The following GABRA2 variants were observed in gnomAD, a reference collection of about 807,000 sequenced individuals.
GABRA2 encodes the protein gamma-aminobutyric acid type A receptor subunit alpha2, also known as gamma-aminobutyric acid receptor subunit alpha-2.
A neutral mutation model predicts 48.7 loss-of-function variants in GABRA2; 16 were observed. That is an observed-to-expected ratio of 0.33 (90% CI 0.22 to 0.50). The LOEUF is 0.50. Ranked by LOEUF, GABRA2 falls within the 20% of genes least tolerant of loss-of-function variation. The pLI is 0.98. For missense variants in GABRA2, 275 were observed against 535.6 expected, an observed-to-expected ratio of 0.51 and a Z score of 4.80; for synonymous variants, 185 against 184.5, an observed-to-expected ratio of 1.00 and a Z score of -0.02.
At chr4:46,293,064 A>C (rs1418732472) in intron 8 of GABRA2, among the ~76,000 whole-genome samples, 3 of 152,172 alleles carry the variant, frequency 2.0e-5, no homozygotes, top group Non-Finnish European at 4.4e-5. Flanking sequence ...CTATCAGAAT[A>C]ATCTGAATCG....
At chr4:46,343,059 G>A (rs1733561106) in intron 3 of GABRA2, among the ~76,000 whole-genome samples, 1 of 151,856 alleles carries the variant, frequency 6.6e-6, no homozygotes, top group Non-Finnish European at 1.5e-5. Context: ...AGACTTTGTT[G>A]AAAGATCACT....
intron 8 of GABRA2, among the ~76,000 whole-genome samples, chr4:46,273,649 T>A (rs1719930866): frequency 1.3e-5 from 2 of 151,602 alleles, no homozygotes; most frequent in South Asian, 4.2e-4. Flanking sequence ...ACAAACAAGA[T>A]AAGATGGAAA....
chr4:46,351,921 A>C (rs148719994), intron 3 of GABRA2, among the ~76,000 whole-genome samples: 1 of 151,448 alleles, frequency 6.6e-6, no homozygotes, highest in Non-Finnish European at 1.5e-5. Context: ...TTATAAAAGT[A>C]TTCGTTATAT....
At position 46,296,667 on chromosome 4, in the gene GABRA2, AG is replaced by A. The variant is rs748818950; in HGVS notation, c.856+6792del. On this transcript the variant is annotated intron_variant, in intron 8 of 9. Coordinates refer to ENST00000381620, the MANE Select transcript of GABRA2 (RefSeq NM_000807.4). ...TACTCTATCAGGGGGAAAAAAAAAA[AG>A]AAAAAAAAAAACCTGCTGAGGTGCT... Among the ~76,000 whole-genome samples the A allele has an allele frequency of 9.2e-3, 1,380 of 150,206 alleles. 37 individuals carry two copies. The highest frequency in any genetic ancestry group is 0.033 in the African/African-American group (1,322 of 40,130).
chr4:46,281,367 T>C (rs1721498976), intron 8 of GABRA2, among the ~76,000 whole-genome samples: 1 of 151,932 alleles, frequency 6.6e-6, no homozygotes, highest in Non-Finnish European at 1.5e-5. Context: ...AGAGTATAGA[T>C]AGAAAAAATA....
chr4:46,289,879 T>TTTTTTTTATTTATTTA lies in GABRA2; in HGVS notation c.856+13580_856+13581insTAAATAAATAAAAAAA, dbSNP rs1256052563. On this transcript the variant is annotated intron_variant, in intron 8 of 9. Transcript: ENST00000381620. ...GGAAAGTGTTGAGTATACCAGTTTA[T>TTTTTTTTATTTATTTA]TTTATTTATTTATTTATTTATTTAT... is the stretch of plus-strand genomic sequence containing the variant. Among the ~76,000 whole-genome samples the TTTTTTTTATTTATTTA allele has an allele frequency of 2.0e-3, 256 of 128,352 alleles. 2 individuals are homozygous for TTTTTTTTATTTATTTA. The highest frequency in any genetic ancestry group is 0.011 in the African/African-American group (246 of 21,992). The allele number at this position is 128,352 out of a possible 152,430, so 84.2% of individuals were successfully genotyped here.
chr4:46,344,243 G>T (rs1316541997), intron 3 of GABRA2, among the ~76,000 whole-genome samples: 1 of 151,956 alleles, frequency 6.6e-6, no homozygotes, highest in Non-Finnish European at 1.5e-5. Context: ...GTATCTCAAA[G>T]ACTAGAGATT....
intron 3 of GABRA2, chr4:46,368,570 G>A (rs538938850): frequency 3.0e-5 from 5 of 167,574 alleles, no homozygotes; most frequent in Admixed American, 6.1e-5. Context: ...TTGAAGATTT[G>A]TTAAATTTGC....
intron 3 of GABRA2, among the ~76,000 whole-genome samples, chr4:46,348,826 A>C (rs1293458148): frequency 5.3e-5 from 8 of 151,322 alleles, no homozygotes; most frequent in African/African-American, 1.9e-4. Context: ...CCTAATGCTG[A>C]ATGACGAGTT....
At chr4:46,374,654 T>C (rs1715413896) in intron 3 of GABRA2, among the ~76,000 whole-genome samples, 1 of 152,152 alleles carries the variant, frequency 6.6e-6, no homozygotes, top group African/African-American at 2.4e-5. Flanking sequence ...TATTAGACTT[T>C]GCTAACCATC....
chr4:46,298,312 T>C (rs1257135080), intron 8 of GABRA2, among the ~76,000 whole-genome samples: 1 of 152,084 alleles, frequency 6.6e-6, no homozygotes, highest in Non-Finnish European at 1.5e-5. Flanking sequence ...CTCATCTTTT[T>C]ATTAGTGTTC....
chr4:46,273,976 C>T (rs545034284), intron 8 of GABRA2, among the ~76,000 whole-genome samples: 2 of 152,000 alleles, frequency 1.3e-5, no homozygotes, highest in Non-Finnish European at 2.9e-5. Context: ...TCTTTGAGAG[C>T]TTTACTCATA....
chr4:46,261,745 G>T, intron 9 of GABRA2, 181 bp downstream of exon 9: 2 of 631,222 alleles, frequency 3.2e-6, no homozygotes, highest in Non-Finnish European at 5.6e-6. Context: ...TTTAATGGAA[G>T]TATTAGTACT....
At chr4:46,363,943 A>G (rs1004319623) in intron 3 of GABRA2, 3 of 152,200 alleles carry the variant, frequency 2.0e-5, no homozygotes, top group African/African-American at 4.8e-5. Context: ...AATTGATTAA[A>G]AATGTAACAT....
At chr4:46,261,005 C>T (rs1015324993) in intron 9 of GABRA2, 1 of 151,724 alleles carries the variant, frequency 6.6e-6, no homozygotes. Context: ...TATGTTAATC[C>T]AAATTTAATA....
At chr4:46,285,952 T>G (rs1722469550) in intron 8 of GABRA2, among the ~76,000 whole-genome samples, 1 of 152,094 alleles carries the variant, frequency 6.6e-6, no homozygotes, top group South Asian at 2.1e-4. Flanking sequence ...TAAAAATTAT[T>G]TTACAGAAGA....
chr4:46,327,998 T>A (rs1404530897), intron 4 of GABRA2, among the ~76,000 whole-genome samples: 1 of 151,856 alleles, frequency 6.6e-6, no homozygotes, highest in Non-Finnish European at 1.5e-5. Context: ...ACAGTGAAAA[T>A]GTTTACTAAT....
chr4:46,266,034 G>A (rs1175354438), intron 8 of GABRA2, among the ~76,000 whole-genome samples: 2 of 151,636 alleles, frequency 1.3e-5, no homozygotes, highest in Non-Finnish European at 2.9e-5. Flanking sequence ...AACATACTTT[G>A]TAATAATTCA....
intron 7 of GABRA2, among the ~76,000 whole-genome samples, chr4:46,304,692 G>A (rs977658179): frequency 1.3e-5 from 2 of 151,918 alleles, no homozygotes; most frequent in Non-Finnish European, 2.9e-5. Context: ...CACTTTGGGA[G>A]GCCGAGGCAG....
Sources: allele counts gnomAD v4.1 joint callset (sites outside exome capture counted in the v4.1 genomes callset), GRCh38; gene constraint gnomAD v4.1.1; transcripts MANE v1.5; gene names NCBI Gene and HGNC (gene_info 2026-07-23, HGNC 2026-07-21).